Variants in RHBDD2 observed in about 807,000 individuals in gnomAD.
The protein encoded by RHBDD2 is rhomboid domain containing 2, also known as rhomboid domain-containing protein 2.
RHBDD2 carries 13 observed loss-of-function variants against 21.7 expected under a neutral mutation model. That is an observed-to-expected ratio of 0.60 (90% CI 0.39 to 0.95). RHBDD2 has a LOEUF of 0.95. Among genes scored for constraint, RHBDD2 ranks in the 40% least tolerant of loss-of-function variants. The probability of loss-of-function intolerance (pLI) is 0.00; values close to 1 mark genes in which losing one functional copy is unlikely to be tolerated. For synonymous variants in RHBDD2, 225 were observed against 220.0 expected (o/e 1.02, Z -0.20); for missense variants, 473 against 478.9 (o/e 0.99, Z 0.11).
intron 2 of RHBDD2, 21 bp downstream of exon 2, chr7:75,882,257 C>CTATA: frequency 6.3e-7 from 1 of 1,582,620 alleles, no homozygotes; most frequent in East Asian, 2.2e-5. Context: ...TAGCAGAGAG[C>CTATA]TATAGAACAA....
chr7:75,884,565 G>A (rs1265134372), intron 3 of RHBDD2, among the ~76,000 whole-genome samples: 1 of 152,198 alleles, frequency 6.6e-6, no homozygotes, highest in Admixed American at 6.5e-5. Flanking sequence ...GGTGTGGCTG[G>A]TTTATTGCCG....
chr7:75,881,735 AG>A (rs1183717800), intron 1 of RHBDD2, 93 bp from the exon 2 acceptor site: 6 of 1,274,510 alleles, frequency 4.7e-6, no homozygotes, highest in African/African-American at 1.5e-5. Flanking sequence ...TCTGTCACGG[AG>A]GGGGGCTCTC....
At chr7:75,887,092 G>A (rs192093006) in intron 3 of RHBDD2, among the ~76,000 whole-genome samples, 1 of 150,654 alleles carries the variant, frequency 6.6e-6, no homozygotes, top group Admixed American at 6.6e-5. Context: ...CAAGATGGCC[G>A]TTTGGACAGC....
chr7:75,885,431 T>C (rs1805602637), intron 3 of RHBDD2, among the ~76,000 whole-genome samples: 1 of 152,262 alleles, frequency 6.6e-6, no homozygotes, highest in Admixed American at 6.5e-5. Flanking sequence ...CAGTGCCTCC[T>C]GCCTCTGAGT....
chr7:75,888,242 A>C lies in RHBDD2; in HGVS notation c.988A>C (p.Ile330Leu). 6.2e-7 allele frequency: 1 copy of C among 1,613,780 alleles called. No individual in the cohort carries two copies. The highest frequency in any genetic ancestry group is 2.2e-5 in the East Asian group (1 of 44,884). Residue 330 changes from isoleucine to leucine, a missense_variant, in exon 4 of 4, where the codon ATC (isoleucine) becomes CTC (leucine). Transcript: ENST00000006777. ...AGCTTCTGCGGGCACCTCCCTGGGC[A>C]TCCAGCCCCCCACGCCTGTGAACAG... is the stretch of plus-strand genomic sequence containing the variant. ...YPASAGTSLG[I>L]QPPTPVNSPG...
At chr7:75,887,652 C>T (rs1459178905) in intron 3 of RHBDD2, among the ~76,000 whole-genome samples, 5 of 152,004 alleles carry the variant, frequency 3.3e-5, no homozygotes, top group Non-Finnish European at 5.9e-5. Context: ...GCAGAATTGT[C>T]GAGCCAGCCA....
Position 75,880,914 on chromosome 7 carries a change from C to T in RHBDD2, c.179-915C>T, listed in dbSNP as rs142493687. Among the ~76,000 whole-genome samples the T allele has an allele frequency of 4.1e-4, 63 of 152,030 alleles. 1 individual carries two copies. Among genetic ancestry groups the T allele is most frequent in the South Asian group, 1.5e-3 (7 of 4,818 alleles). Reference sequence around the variant, plus strand: ...CTAATTTTTAAATTTTTTTTAAAGACGGGGGTCTCACTATGTTACCTAGGC... The same window carrying T: ...CTAATTTTTAAATTTTTTTTAAAGATGGGGGTCTCACTATGTTACCTAGGC... On this transcript the variant is annotated intron_variant, in intron 1 of 3. Transcript: ENST00000006777.
At chr7:75,883,979 C>T in intron 3 of RHBDD2, 131 bp downstream of exon 3, 1 of 626,824 alleles carries the variant, frequency 1.6e-6, no homozygotes, top group Non-Finnish European at 2.6e-6. Flanking sequence ...ACTGCAACCT[C>T]TGCTTCAGGT....
chr7:75,882,247 TAGCAG>T lies in RHBDD2; in HGVS notation c.586+14_586+18del. 1 of 1,599,010 alleles carries T rather than the reference TAGCAG, an allele frequency of 6.3e-7. No individual in the cohort carries two copies. Among genetic ancestry groups the T allele is most frequent in the Non-Finnish European group, 8.5e-7 (1 of 1,171,580 alleles). On this transcript the variant is annotated intron_variant, in intron 2 of 3. Coordinates refer to ENST00000006777, the MANE Select transcript of RHBDD2 (RefSeq NM_001040456.3). ...CCATCGGGCTGGCCTGTATCCTTCC[TAGCAG>T]AGAGCTATAGAACAACGCATGTCAA...
chr7:75,879,978 T>A (rs1272969664), intron 1 of RHBDD2, among the ~76,000 whole-genome samples: 1 of 152,200 alleles, frequency 6.6e-6, no homozygotes, highest in Admixed American at 6.5e-5. Context: ...TCCTGCTGTT[T>A]TGCAAAGCAC....
chr7:75,882,777 T>G (rs1348811298), intron 2 of RHBDD2, among the ~76,000 whole-genome samples: 2 of 152,222 alleles, frequency 1.3e-5, no homozygotes, highest in African/African-American at 2.4e-5. Context: ...TTAACTTACT[T>G]GAAGATTGGC....
intron 2 of RHBDD2, among the ~76,000 whole-genome samples, chr7:75,883,246 C>T (rs535843755): frequency 2.0e-5 from 3 of 152,180 alleles, no homozygotes; most frequent in Admixed American, 2.0e-4. Flanking sequence ...TGGGGTCAGG[C>T]GCAGTGGCTC....
rs546155399 is a variant in RHBDD2, at chr7:75,879,229, G to A, written c.147G>A (p.Thr49=). The change falls in exon 1 of 4, where the codon ACG becomes ACA. Residue 49 remains threonine, a synonymous_variant. Transcript: ENST00000006777. ...AGCCCCTGGCGCCCTCGGGCCTCAC[G>A]CTGAAGTCCGAGGCCCTTCGCAACT... is the stretch of plus-strand genomic sequence containing the variant. ...LQQPLAPSGL[T]LKSEALRNWQ... 2.6e-6 allele frequency: 4 copies of A among 1,522,358 alleles called. No homozygotes were observed. Among genetic ancestry groups the A allele is most frequent in the East Asian group, 2.7e-5 (1 of 36,766 alleles). 94.3% of individuals were successfully genotyped at this position (1,522,358 alleles called of 1,614,324 possible). A position where few individuals can be genotyped will look rare whatever the true frequency, so the allele number is the denominator to read the frequency against.
At position 75,879,276 on chromosome 7, in the gene RHBDD2, C is replaced by A; in HGVS notation, c.178+16C>A. 6.8e-7 allele frequency: 1 copy of A among 1,462,936 alleles called. No individual in the cohort carries two copies. The highest frequency in any genetic ancestry group is 9.0e-7 in the Non-Finnish European group (1 of 1,106,144). The allele number at this position is 1,462,936 out of a possible 1,614,324, so 90.6% of individuals were successfully genotyped here. ...AACTGGCAAGGTGAGCAGGGGCGGG[C>A]CGGGATCGCGGGGCGAGTCCTTGTC... On this transcript the variant is annotated intron_variant, in intron 1 of 3. Transcript: ENST00000006777.
intron 3 of RHBDD2, among the ~76,000 whole-genome samples, chr7:75,884,656 G>C (rs1805546466): frequency 6.6e-6 from 1 of 152,200 alleles, no homozygotes; most frequent in Middle Eastern, 3.2e-3. Context: ...CTGCACAACT[G>C]CTTCTGAAGT....
intron 3 of RHBDD2, 44 bp from the exon 4 acceptor site, chr7:75,887,948 C>A: frequency 6.5e-7 from 1 of 1,544,624 alleles, no homozygotes; most frequent in Non-Finnish European, 8.9e-7. Flanking sequence ...CATGACCTTG[C>A]CAAGACTCGC....
Position 75,879,144 on chromosome 7 carries a change from CCTT to C in RHBDD2, c.67_69del (p.Phe23del). 6.8e-7 allele frequency: 1 copy of C among 1,463,462 alleles called. No individual in the cohort carries two copies. The highest frequency in any genetic ancestry group is 9.1e-7 in the Non-Finnish European group (1 of 1,100,930). The allele number at this position is 1,463,462 out of a possible 1,614,324, so 90.7% of individuals were successfully genotyped here. On this transcript the variant is annotated inframe_deletion, in exon 1 of 4. Coordinates refer to ENST00000006777, the MANE Select transcript of RHBDD2 (RefSeq NM_001040456.3). ...TTGTGTCCCGAGGTGCCATCCGCCA[CCTT>C]CTTCACTGCGCTGCTCTCGCTGCTG...
At chr7:75,883,575 G>T in intron 2 of RHBDD2, 123 bp from the exon 3 acceptor site, 1 of 799,954 alleles carries the variant, frequency 1.3e-6, no homozygotes, top group South Asian at 1.8e-5. Context: ...ACTCCAGCCA[G>T]AGTGTGCAGC....
chr7:75,879,355 C>T (rs994479824), intron 1 of RHBDD2, 95 bp downstream of exon 1: 1 of 1,202,710 alleles, frequency 8.3e-7, no homozygotes, highest in Non-Finnish European at 1.1e-6. Flanking sequence ...CCCTTCAGGC[C>T]TCACCGCCAG....
Sources: gnomAD v4.1 joint callset for allele counts (sites outside exome capture counted in the v4.1 genomes callset) on GRCh38, gnomAD v4.1.1 for gene constraint, MANE v1.5 for transcripts, NCBI Gene and HGNC (gene_info 2026-07-23, HGNC 2026-07-21) for gene names.